ZNF331: variants seen among roughly 807,000 people sequenced by gnomAD.
ZNF331 encodes the protein C2H2-like zinc finger protein rearranged in thyroid adenomas.
ZNF331 carries 2 observed loss-of-function variants against 7.0 expected under a neutral mutation model. The observed-to-expected ratio is 0.29, with a 90% CI of 0.12 to 0.90. The LOEUF is 0.90. ZNF331 is among the 40% of genes least tolerant of loss of function. The probability of loss-of-function intolerance (pLI) is 0.58; values close to 1 mark genes in which losing one functional copy is unlikely to be tolerated. For missense variants in ZNF331, 432 were observed against 587.7 expected, an observed-to-expected ratio of 0.74 and a Z score of 2.74; for synonymous variants, 196 against 205.4, an observed-to-expected ratio of 0.95 and a Z score of 0.39.
rs2089549900 is a variant in ZNF331 at position 53,558,061 on chromosome 19, CCTGGAGA to C, written c.-74+2154_-74+2160del. 6.6e-6 allele frequency among the ~76,000 whole-genome samples: 1 copy of C among 152,146 alleles called. No homozygotes were observed. The highest frequency in any genetic ancestry group is 2.4e-5 in the African/African-American group (1 of 41,418). On this transcript the variant is annotated intron_variant, in intron 3 of 5. Transcript: ENST00000449416. This position sits in a 1 kb window ranked among gnomAD's most constrained non-coding sequence, Gnocchi z 4.5. ...TGCAGTTCAGTTCTGACACCATCTA[CCTGGAGA>C]TGGCATCAGATTCCACAGGTTGTGA...
intron 3 of ZNF331, among the ~76,000 whole-genome samples, chr19:53,561,409 C>T (rs1032213778): frequency 1.3e-5 from 2 of 150,360 alleles, no homozygotes; most frequent in Admixed American, 6.6e-5. Flanking sequence ...CGTAATTGTG[C>T]GATCCACAGG....
At chr19:53,525,325 G>C (rs112035318) in intron 2 of ZNF331, among the ~76,000 whole-genome samples, 61 of 152,128 alleles carry the variant, frequency 4.0e-4, no homozygotes, top group Non-Finnish European at 7.5e-4. Flanking sequence ...GCTTGATGGG[G>C]ATGGCATTGA....
chr19:53,576,995 A>G lies in ZNF331; in HGVS notation c.435A>G (p.Gln145=). The G allele has an allele frequency of 6.2e-7, 1 of 1,611,592 alleles. No homozygotes were observed. Among genetic ancestry groups the G allele is most frequent in the Non-Finnish European group, 8.5e-7 (1 of 1,179,102 alleles). Residue 145 remains glutamine, a synonymous_variant, in exon 6 of 6, where the codon CAA becomes CAG. Transcript: ENST00000449416. Reference sequence around the variant, plus strand: ...GGAAGGCCTTTAGTCGTGGCTATCAACTTAGTCAACATCAGAAAATCCATA... The same window carrying G: ...GGAAGGCCTTTAGTCGTGGCTATCAGCTTAGTCAACATCAGAAAATCCATA... ...DCGKAFSRGY[Q]LSQHQKIHTG...
chr19:53,521,502 C>T (rs942285624), exon 1 of ZNF331: 1 of 152,350 alleles, frequency 6.6e-6, no homozygotes, highest in South Asian at 2.1e-4. Context: ...GGCTCTGTCC[C>T]CATAAACTGT....
upstream of ZNF331, among the ~76,000 whole-genome samples, chr19:53,519,211 A>G (rs2086980265): frequency 6.6e-6 from 1 of 152,158 alleles, no homozygotes; most frequent in South Asian, 2.1e-4. Flanking sequence ...AGGCTCCCTG[A>G]TGAGTCCACA....
the ZNF331 span, among the ~76,000 whole-genome samples, chr19:53,512,939 C>T: frequency 2.0e-5 from 3 of 150,620 alleles, no homozygotes; most frequent in Non-Finnish European, 4.5e-5. Context: ...GTGCCAAAAA[C>T]GCTGGGAACC....
chr19:53,515,583 C>T (rs534793529), upstream of ZNF331, among the ~76,000 whole-genome samples: 7 of 152,278 alleles, frequency 4.6e-5, no homozygotes, highest in South Asian at 6.2e-4. Flanking sequence ...TTGCAACCTC[C>T]GCCTGCTGGG....
intron 2 of ZNF331, among the ~76,000 whole-genome samples, chr19:53,554,083 G>C (rs1156493990): frequency 6.6e-6 from 1 of 152,206 alleles, no homozygotes; most frequent in Non-Finnish European, 1.5e-5. Flanking sequence ...CCCTCCTCAA[G>C]CCTCTCACCC....
chr19:53,528,829 G>C (rs1362927749), intron 2 of ZNF331, among the ~76,000 whole-genome samples: 1 of 151,768 alleles, frequency 6.6e-6, no homozygotes, highest in African/African-American at 2.4e-5. Context: ...CTGTTGCCCA[G>C]GCTGGAGTGC....
intron 2 of ZNF331, among the ~76,000 whole-genome samples, chr19:53,543,268 T>C (rs1259760155): frequency 6.6e-6 from 1 of 152,162 alleles, no homozygotes; most frequent in Non-Finnish European, 1.5e-5. Flanking sequence ...CTATTATGAA[T>C]TTTTTTATTT....
chr19:53,556,027 AAGGTCT>A (rs971669222), intron 3 of ZNF331, 119 bp downstream of exon 3: 3 of 151,702 alleles, frequency 2.0e-5, no homozygotes, highest in Non-Finnish European at 4.4e-5. Flanking sequence ...GGCAAATCAC[AAGGTCT>A]GGAGATCGAG....
chr19:53,567,433 C>T (rs928560566), intron 3 of ZNF331, among the ~76,000 whole-genome samples: 5 of 152,076 alleles, frequency 3.3e-5, no homozygotes, highest in African/African-American at 1.2e-4. Flanking sequence ...AGATCACAAT[C>T]CCCCCATCCA....
At chr19:53,538,050 G>T (rs749291772), upstream of ZNF331, 3 of 152,384 alleles carry the variant, frequency 2.0e-5, no homozygotes, top group Non-Finnish European at 2.9e-5. Context: ...GTGCACATGC[G>T]TGTCGGGCTC....
At chr19:53,537,890 G>A (rs1041104609), upstream of ZNF331, 1 of 152,314 alleles carries the variant, frequency 6.6e-6, no homozygotes, top group African/African-American at 2.4e-5. Flanking sequence ...CTGCACATGC[G>A]TGTCGGCATC....
upstream of ZNF331, among the ~76,000 whole-genome samples, chr19:53,519,432 C>A (rs2086986069): frequency 2.6e-5 from 4 of 152,208 alleles, no homozygotes; most frequent in African/African-American, 9.7e-5. Flanking sequence ...ACAAGGCGAA[C>A]AAAGACCCAA....
At chr19:53,566,900 G>A (rs937362109) in intron 3 of ZNF331, among the ~76,000 whole-genome samples, 16 of 151,760 alleles carry the variant, frequency 1.1e-4, no homozygotes, top group African/African-American at 3.9e-4. Flanking sequence ...GTTTGTCAGC[G>A]TGTATGGTTC....
chr19:53,547,020 G>A (rs1206792828), intron 2 of ZNF331, among the ~76,000 whole-genome samples: 1 of 152,088 alleles, frequency 6.6e-6, no homozygotes, highest in African/African-American at 2.4e-5. Flanking sequence ...TGTTTATACT[G>A]CAGATTAAAT....
chr19:53,561,495 T>C (rs1245617769), intron 3 of ZNF331, among the ~76,000 whole-genome samples: 2 of 152,190 alleles, frequency 1.3e-5, no homozygotes, highest in Admixed American at 1.3e-4. Context: ...AGGTATGTGT[T>C]TTCTTTCTGG....
At chr19:53,537,988 G>A (rs58777975), upstream of ZNF331, 37,337 of 152,126 alleles carry the variant, frequency 0.25, 5,517 homozygotes, top group African/African-American at 0.41. Flanking sequence ...GTCTGTGTAC[G>A]CTCACATACG....
Sources: allele counts gnomAD v4.1 joint callset (sites outside exome capture counted in the v4.1 genomes callset), GRCh38; gene constraint gnomAD v4.1.1; non-coding constraint Gnocchi (gnomAD v3.1); transcripts MANE v1.5; gene names NCBI Gene and HGNC (gene_info 2026-07-23, HGNC 2026-07-21).